The following KCNMA1 variants were observed in gnomAD, a reference collection of about 807,000 sequenced individuals.
KCNMA1 encodes Calcium-activated potassium channel subunit alpha-1.
Under a neutral mutation model 140.0 loss-of-function variants are expected in KCNMA1, and 29 were observed. That is an observed-to-expected ratio of 0.21 (90% CI 0.15 to 0.28). KCNMA1 has a LOEUF of 0.28. Ranked by LOEUF, KCNMA1 falls within the 10% of genes least tolerant of loss-of-function variation. The pLI is 1.00. For missense variants in KCNMA1, 880 were observed against 1,602.2 expected, an observed-to-expected ratio of 0.55 and a Z score of 7.70; for synonymous variants, 612 against 611.9, an observed-to-expected ratio of 1.00 and a Z score of 0.00.
intron 14 of KCNMA1, among the ~76,000 whole-genome samples, chr10:77,068,808 C>T (rs1403029873): frequency 7.8e-6 from 1 of 127,432 alleles, no homozygotes; most frequent in Non-Finnish European, 1.6e-5. Flanking sequence ...ATTGGAAGTC[C>T]CAATGTACAT....
chr10:77,392,779 T>C (rs2095879049), intron 2 of KCNMA1, among the ~76,000 whole-genome samples: 1 of 152,192 alleles, frequency 6.6e-6, no homozygotes, highest in South Asian at 2.1e-4. Context: ...GGTCACTACC[T>C]GTCAAAATGT....
At chr10:76,948,770 A>C (rs1392782113) in intron 22 of KCNMA1, among the ~76,000 whole-genome samples, 2 of 152,248 alleles carry the variant, frequency 1.3e-5, no homozygotes, top group Non-Finnish European at 2.9e-5. Context: ...CAAGCATTAA[A>C]AATGCCATAA....
At chr10:77,143,388 G>GC (rs2098223784) in intron 5 of KCNMA1, among the ~76,000 whole-genome samples, 1 of 151,998 alleles carries the variant, frequency 6.6e-6, no homozygotes, top group African/African-American at 2.4e-5. Context: ...AATGTGTCGT[G>GC]CCCCCCAAAA....
At chr10:77,153,477 T>C (rs1442777846) in intron 5 of KCNMA1, among the ~76,000 whole-genome samples, 1 of 152,132 alleles carries the variant, frequency 6.6e-6, no homozygotes, top group Non-Finnish European at 1.5e-5. Context: ...GCTCAAAGGA[T>C]CCTTTCACCT....
chr10:77,378,391 G>A (rs2154425752), intron 2 of KCNMA1, among the ~76,000 whole-genome samples: 1 of 152,326 alleles, frequency 6.6e-6, no homozygotes, highest in African/African-American at 2.4e-5. Flanking sequence ...AACCCTTCAG[G>A]GAGAGGAAGG....
At chr10:77,360,312 G>A (rs1345437557) in intron 2 of KCNMA1, among the ~76,000 whole-genome samples, 1 of 152,216 alleles carries the variant, frequency 6.6e-6, no homozygotes, top group Non-Finnish European at 1.5e-5. Flanking sequence ...CTTGAAGCAA[G>A]GATGGAAGCC....
At chr10:77,019,347 G>A (rs1041952441) in intron 16 of KCNMA1, 1 of 512,646 alleles carries the variant, frequency 2.0e-6, no homozygotes, top group Admixed American at 3.3e-5. Flanking sequence ...AGCAAATCAA[G>A]GTATTAGGGC....
intron 1 of KCNMA1, among the ~76,000 whole-genome samples, chr10:77,412,947 T>A (rs1471584541): frequency 6.6e-6 from 1 of 152,162 alleles, no homozygotes; most frequent in Non-Finnish European, 1.5e-5. Flanking sequence ...AATTTCTGCC[T>A]CCCAGGTTCA....
chr10:77,572,387 C>A (rs1205818856), intron 1 of KCNMA1, among the ~76,000 whole-genome samples: 1 of 151,012 alleles, frequency 6.6e-6, no homozygotes, highest in African/African-American at 2.4e-5. Context: ...TAATGGCCAA[C>A]CTTCTGATAA....
chr10:77,341,167 G>A (rs1272838955), intron 2 of KCNMA1, among the ~76,000 whole-genome samples: 3 of 152,216 alleles, frequency 2.0e-5, no homozygotes, highest in Non-Finnish European at 4.4e-5. Flanking sequence ...TGTTTTCACT[G>A]TAGAATGAAG....
intron 16 of KCNMA1, among the ~76,000 whole-genome samples, chr10:77,025,281 T>TATATATATATATAC (rs1394239548): frequency 2.3e-4 from 28 of 122,264 alleles, no homozygotes; most frequent in Admixed American, 5.1e-4. Flanking sequence ...TATATATATA[T>TATATATATATATAC]ACACACACAC....
intron 2 of KCNMA1, among the ~76,000 whole-genome samples, chr10:77,398,060 A>ATGTGTG (rs71028275): frequency 0.014 from 2,115 of 148,476 alleles, 46 homozygotes; most frequent in African/African-American, 0.048. Flanking sequence ...ATATGTGTGT[A>ATGTGTG]TGTGTGTGTG....
At chr10:77,454,117 C>T (rs1284818855) in intron 1 of KCNMA1, among the ~76,000 whole-genome samples, 1 of 152,128 alleles carries the variant, frequency 6.6e-6, no homozygotes, top group African/African-American at 2.4e-5. Context: ...TATCCAGCAA[C>T]CAACAAGGTA....
At chr10:77,327,262 G>C (rs1250062317) in intron 2 of KCNMA1, among the ~76,000 whole-genome samples, 1 of 151,508 alleles carries the variant, frequency 6.6e-6, no homozygotes, top group Non-Finnish European at 1.5e-5. Flanking sequence ...CTGTCATCAA[G>C]AGCTTCACCA....
intron 2 of KCNMA1, among the ~76,000 whole-genome samples, chr10:77,369,801 T>C (rs1170884148): frequency 1.3e-5 from 2 of 152,174 alleles, no homozygotes; most frequent in Non-Finnish European, 2.9e-5. Flanking sequence ...ACAAGAGAAA[T>C]GTCCAATTGA....
At chr10:77,268,225 T>C (rs2063942345) in intron 2 of KCNMA1, among the ~76,000 whole-genome samples, 2 of 152,190 alleles carry the variant, frequency 1.3e-5, no homozygotes, top group Non-Finnish European at 2.9e-5. Flanking sequence ...GTAGCCACTC[T>C]AGGAGAGTTT....
intron 2 of KCNMA1, among the ~76,000 whole-genome samples, chr10:77,337,830 A>T (rs1014718513): frequency 6.6e-6 from 1 of 152,186 alleles, no homozygotes; most frequent in Admixed American, 6.5e-5. Context: ...GAAGTGGCAT[A>T]TGTCCCATTT....
chr10:77,387,126 G>A (rs1019331325), intron 2 of KCNMA1, among the ~76,000 whole-genome samples: 3 of 151,946 alleles, frequency 2.0e-5, no homozygotes, highest in Admixed American at 6.6e-5. Context: ...ATAACAAACA[G>A]GAAAATTGTG....
intron 5 of KCNMA1, among the ~76,000 whole-genome samples, chr10:77,182,918 C>T (rs1172386369): frequency 1.3e-5 from 2 of 152,162 alleles, no homozygotes; most frequent in African/African-American, 2.4e-5. Flanking sequence ...ACCTCAGTCT[C>T]CTGTAAGGTG....
Sources: allele counts gnomAD v4.1 joint callset (sites outside exome capture counted in the v4.1 genomes callset), GRCh38; gene constraint gnomAD v4.1.1; transcripts MANE v1.5; gene names NCBI Gene and HGNC (gene_info 2026-07-23, HGNC 2026-07-21).